Variants in TCERG1L observed in about 807,000 individuals in gnomAD.
TCERG1L encodes transcription elongation regulator 1 like, also known as transcription elongation regulator 1-like protein.
Under a neutral mutation model 56.3 loss-of-function variants are expected in TCERG1L, and 37 were observed. The ratio of observed to expected loss-of-function variants is 0.66; its 90% CI spans 0.51 to 0.87. TCERG1L has a LOEUF of 0.87. TCERG1L is among the 40% of genes least tolerant of loss of function. The pLI is 0.00. For missense variants in TCERG1L, 799 were observed against 774.2 expected (o/e 1.03, Z -0.38); for synonymous variants, 324 against 326.3 (o/e 0.99, Z 0.08).
Position 131,290,403 on chromosome 10 carries a change from G to A in TCERG1L, c.670+17808C>T, listed in dbSNP as rs79345483. 4.3e-3 allele frequency among the ~76,000 whole-genome samples: 660 copies of A among 152,216 alleles called. 14 individuals are homozygous for A. The East Asian group carries it at 0.068, about 16-fold the overall frequency. Reference sequence around the variant, plus strand: ...TCCCAGCACTTTAGGAGGCTGAGGCGGGCAGATCACCTGAGGCTGGGAATT... The same window carrying A: ...TCCCAGCACTTTAGGAGGCTGAGGCAGGCAGATCACCTGAGGCTGGGAATT... On this transcript the variant is annotated intron_variant, in intron 3 of 11. Transcript: ENST00000368642.
chr10:131,113,818 T>C (rs558535780), intron 9 of TCERG1L, among the ~76,000 whole-genome samples: 3 of 142,220 alleles, frequency 2.1e-5, no homozygotes, highest in Admixed American at 6.9e-5. Context: ...TGGGTGAGCA[T>C]CACCTGCTTG....
chr10:131,232,828 T>TC (rs1391795571), intron 4 of TCERG1L, among the ~76,000 whole-genome samples: 4 of 151,584 alleles, frequency 2.6e-5, no homozygotes, highest in Non-Finnish European at 4.4e-5. Flanking sequence ...CCCTGAAAGC[T>TC]CCCCCCAACC....
rs1846301523 is a variant in TCERG1L at position 131,267,782 on chromosome 10, C to T, written c.671-7338G>A. 6.6e-6 allele frequency among the ~76,000 whole-genome samples: 1 copy of T among 152,222 alleles called. No individual in the cohort carries two copies. The highest frequency in any genetic ancestry group is 1.5e-5 in the Non-Finnish European group (1 of 68,020). ...TGGGGCACAGGGAACCCCACTGCTG[C>T]TCCCACCACCAGTCCTGCTGCCCTG... On this transcript the variant is annotated intron_variant, in intron 3 of 11. Coordinates refer to ENST00000368642, the MANE Select transcript of TCERG1L (RefSeq NM_174937.4). The surrounding 1 kb of genome is among the most constrained non-coding windows in gnomAD (Gnocchi z 4.9).
At chr10:131,266,099 C>T (rs1846282546) in intron 3 of TCERG1L, among the ~76,000 whole-genome samples, 1 of 152,216 alleles carries the variant, frequency 6.6e-6, no homozygotes, top group African/African-American at 2.4e-5. Flanking sequence ...AACATCTTCA[C>T]CAGGAGTAGA....
intron 6 of TCERG1L, chr10:131,161,115 A>G (rs950361943): frequency 1.3e-5 from 2 of 152,232 alleles, no homozygotes; most frequent in African/African-American, 4.8e-5. Flanking sequence ...TCTCTCAACC[A>G]TGGACTGACC....
In TCERG1L at chr10:131,282,089, T is replaced by TAG. The variant is rs1217136136; in HGVS notation, c.671-21646_671-21645insCT. ...AAGCGGAGCTTGCAGTGAGCGGAGA[T>TAG]CACGCCACTGCAGTCTGGCCTGGGC... On this transcript the variant is annotated intron_variant, in intron 3 of 11. Transcript: ENST00000368642. 5.3e-4 allele frequency among the ~76,000 whole-genome samples: 70 copies of TAG among 133,038 alleles called. No individual in the cohort carries two copies. In the East Asian group the frequency reaches 0.01, roughly 19 times the overall value. The allele number at this position is 133,038 out of a possible 152,430, so 87.3% of individuals were successfully genotyped here.
intron 3 of TCERG1L, among the ~76,000 whole-genome samples, chr10:131,290,391 G>C (rs899472227): frequency 6.6e-6 from 1 of 152,160 alleles, no homozygotes; most frequent in East Asian, 1.9e-4. Flanking sequence ...CAGCACTTTA[G>C]GAGGCTGAGG....
chr10:131,121,356 G>A lies in TCERG1L; in HGVS notation c.1260-4422C>T, dbSNP rs1157546990. On this transcript the variant is annotated intron_variant, in intron 8 of 11. Transcript: ENST00000368642. ...CTTGGCCAAAATATGGAAACTCTCT[G>A]GACCTTACTCATGGTAAGATACATG... 2.6e-5 allele frequency among the ~76,000 whole-genome samples: 4 copies of A among 152,162 alleles called. 1 individual carries two copies. Among genetic ancestry groups the A allele is most frequent in the African/African-American group, 7.2e-5 (3 of 41,426 alleles).
At chr10:131,269,947 C>T (rs1846323606) in intron 3 of TCERG1L, among the ~76,000 whole-genome samples, 1 of 152,148 alleles carries the variant, frequency 6.6e-6, no homozygotes, top group African/African-American at 2.4e-5. Flanking sequence ...CACAGAGAGC[C>T]CACGGAGCAC....
At chr10:131,093,343 A>G (rs1845202216) in intron 11 of TCERG1L, 25 bp from the exon 12 acceptor site, 1 of 1,611,112 alleles carries the variant, frequency 6.2e-7, no homozygotes, top group Non-Finnish European at 8.5e-7. Flanking sequence ...GTTTCCTGAG[A>G]CACCTTCCAG....
In TCERG1L at chr10:131,162,920, T is replaced by C. The variant is rs182353115; in HGVS notation, c.1034+202A>G. 1.4e-3 allele frequency: 713 copies of C among 509,874 alleles called. 3 individuals carry two copies. Among genetic ancestry groups the C allele is most frequent in the Admixed American group, 2.1e-3 (56 of 26,756 alleles). The allele number at this position is 509,874 out of a possible 1,614,324, so 31.6% of individuals were successfully genotyped here. ...TATTCACAGACAGATCAGAGCAGGA[T>C]AGCTCATCGCTTAAATGCTGTTTTT... On this transcript the variant is annotated intron_variant, in intron 6 of 11. Coordinates refer to ENST00000368642, the MANE Select transcript of TCERG1L (RefSeq NM_174937.4).
chr10:131,207,780 C>T (rs535893671), intron 4 of TCERG1L, among the ~76,000 whole-genome samples: 7 of 152,246 alleles, frequency 4.6e-5, no homozygotes, highest in Admixed American at 2.0e-4. Flanking sequence ...CCTCACAGCT[C>T]GGGCTTCCCA....
chr10:131,127,930 C>T (rs1035609282), intron 8 of TCERG1L, among the ~76,000 whole-genome samples: 2 of 152,074 alleles, frequency 1.3e-5, no homozygotes, highest in Non-Finnish European at 2.9e-5. Flanking sequence ...CAGAGAAACA[C>T]CCCCAGGTGG....
intron 6 of TCERG1L, among the ~76,000 whole-genome samples, chr10:131,157,903 A>G (rs1226360660): frequency 6.6e-6 from 1 of 152,214 alleles, no homozygotes; most frequent in African/African-American, 2.4e-5. Context: ...TACAGAAGTT[A>G]CTCTGAACTT....
chr10:131,148,811 C>T (rs1638935411), intron 6 of TCERG1L, among the ~76,000 whole-genome samples: 1 of 152,080 alleles, frequency 6.6e-6, no homozygotes, highest in Admixed American at 6.5e-5. Flanking sequence ...AGACCTGTGT[C>T]AGACTTCTGA....
At chr10:131,221,550 C>T (rs763829882) in intron 4 of TCERG1L, among the ~76,000 whole-genome samples, 4 of 152,314 alleles carry the variant, frequency 2.6e-5, no homozygotes, top group African/African-American at 7.2e-5. Context: ...CTGGAAGATG[C>T]GCTGAGGGGA....
At chr10:131,170,966 T>G (rs1846084673) in intron 4 of TCERG1L, among the ~76,000 whole-genome samples, 1 of 152,070 alleles carries the variant, frequency 6.6e-6, no homozygotes, top group South Asian at 2.1e-4. Flanking sequence ...GCCAAGATGG[T>G]GAAACCCTGT....
intron 4 of TCERG1L, among the ~76,000 whole-genome samples, chr10:131,227,717 A>T (rs1214411532): frequency 6.8e-6 from 1 of 147,836 alleles, no homozygotes. Flanking sequence ...AGTTACGGAC[A>T]TGAGCAAAGA....
At chr10:131,168,756 G>A (rs1271174839) in intron 4 of TCERG1L, among the ~76,000 whole-genome samples, 1 of 152,182 alleles carries the variant, frequency 6.6e-6, no homozygotes, top group Non-Finnish European at 1.5e-5. Flanking sequence ...GGCTGAGCAG[G>A]GATCCCTGAG....
Sources: allele counts gnomAD v4.1 joint callset (sites outside exome capture counted in the v4.1 genomes callset), GRCh38; gene constraint gnomAD v4.1.1; non-coding constraint Gnocchi (gnomAD v3.1); transcripts MANE v1.5; gene names NCBI Gene and HGNC (gene_info 2026-07-23, HGNC 2026-07-21).